GPHN: variants seen among roughly 807,000 people sequenced by gnomAD.
GPHN encodes the protein gephyrin.
Under a neutral mutation model 95.5 loss-of-function variants are expected in GPHN, and 17 were observed. That is an observed-to-expected ratio of 0.18 (90% confidence interval 0.12 to 0.27). GPHN has a LOEUF of 0.27. Among genes scored for constraint, GPHN ranks in the 10% least tolerant of loss-of-function variants. The pLI, the probability that GPHN is intolerant of heterozygous loss-of-function variation, is 1.00. For synonymous variants in GPHN, 320 were observed against 322.5 expected (o/e 0.99, Z 0.08); for missense variants, 660 against 978.1 (o/e 0.67, Z 4.34).
chr14:67,435,736 T>G, the GPHN span, among the ~76,000 whole-genome samples: 2 of 152,240 alleles, frequency 1.3e-5, no homozygotes, highest in Non-Finnish European at 2.9e-5. Context: ...TCCCAGTCCC[T>G]GGGTGACTAA....
chr14:67,622,517 T>C, the GPHN span, among the ~76,000 whole-genome samples: 10 of 152,202 alleles, frequency 6.6e-5, no homozygotes, highest in African/African-American at 2.4e-4. Context: ...TTTTAATAAC[T>C]CTCCAAGTTC....
the GPHN span, among the ~76,000 whole-genome samples, chr14:67,527,541 G>A: frequency 6.6e-6 from 1 of 152,212 alleles, no homozygotes; most frequent in Non-Finnish European, 1.5e-5. Context: ...TAGGAGATTA[G>A]AAAGAAAGAT....
At chr14:67,657,706 G>C in the GPHN span, among the ~76,000 whole-genome samples, 2 of 151,634 alleles carry the variant, frequency 1.3e-5, no homozygotes, top group South Asian at 2.1e-4. Context: ...GGAGCCAAAA[G>C]ATTGGCTCCC....
At chr14:66,919,809 G>A (rs138110488) in intron 6 of GPHN, among the ~76,000 whole-genome samples, 12 of 152,226 alleles carry the variant, frequency 7.9e-5, no homozygotes, top group African/African-American at 2.9e-4. Context: ...GCTCAGGTCT[G>A]TAATCCCAGC....
At chr14:66,730,817 T>C (rs909687537) in intron 2 of GPHN, among the ~76,000 whole-genome samples, 3 of 152,206 alleles carry the variant, frequency 2.0e-5, no homozygotes, top group South Asian at 4.1e-4. Flanking sequence ...ATATGTGGAA[T>C]ACATGTTTTC....
At chr14:66,900,295 C>T (rs1276177238) in intron 5 of GPHN, among the ~76,000 whole-genome samples, 2 of 151,632 alleles carry the variant, frequency 1.3e-5, no homozygotes, top group Non-Finnish European at 2.9e-5. Context: ...TCATTTTGCT[C>T]TTTATCTAGT....
chr14:66,713,207 C>G (rs2069830832), intron 2 of GPHN, among the ~76,000 whole-genome samples: 1 of 152,122 alleles, frequency 6.6e-6, no homozygotes, highest in African/African-American at 2.4e-5. Context: ...GTCATGAAAT[C>G]CTTGCCTAAG....
In GPHN at chr14:66,923,320, A is replaced by G. The variant is rs1371537138; in HGVS notation, c.729+382A>G. Reference sequence around the variant, plus strand: ...AAAGGAACAGCAAACTGAAGGTAAAAGACCTTAGATGATTCAAGAAATGAG... The same window carrying G: ...AAAGGAACAGCAAACTGAAGGTAAAGGACCTTAGATGATTCAAGAAATGAG... On this transcript the variant is annotated intron_variant, in intron 7 of 22. Coordinates refer to ENST00000478722, the MANE Select transcript of GPHN (RefSeq NM_020806.5). 2.6e-5 allele frequency among the ~76,000 whole-genome samples: 4 copies of G among 151,932 alleles called. No individual in the cohort carries two copies. In the East Asian group the frequency reaches 7.7e-4, roughly 29 times the overall value.
chr14:67,702,792 A>G, the GPHN span, among the ~76,000 whole-genome samples: 1 of 152,184 alleles, frequency 6.6e-6, no homozygotes, highest in East Asian at 1.9e-4. Flanking sequence ...ATATATGCAC[A>G]AATAGAGATC....
chr14:66,692,045 T>C (rs1215553004), intron 2 of GPHN, among the ~76,000 whole-genome samples: 1 of 152,224 alleles, frequency 6.6e-6, no homozygotes, highest in African/African-American at 2.4e-5. Flanking sequence ...TGAGCAAATG[T>C]TTGTTTTTCT....
At chr14:67,431,115 C>T in the GPHN span, among the ~76,000 whole-genome samples, 3 of 152,178 alleles carry the variant, frequency 2.0e-5, no homozygotes, top group Admixed American at 6.5e-5. Flanking sequence ...TCAGCATAGG[C>T]TGGGCGTGGT....
chr14:67,411,975 G>A, the GPHN span: 5 of 1,506,272 alleles, frequency 3.3e-6, no homozygotes, highest in Admixed American at 8.3e-5. Flanking sequence ...CGCGTCGGCG[G>A]GGCCCCACCC....
intron 16 of GPHN, among the ~76,000 whole-genome samples, chr14:67,113,617 T>C (rs1441608304): frequency 6.6e-6 from 1 of 152,188 alleles, no homozygotes; most frequent in African/African-American, 2.4e-5. Flanking sequence ...TTGTGAAAAG[T>C]TCCATTTGAT....
the GPHN span, among the ~76,000 whole-genome samples, chr14:67,329,876 A>AAAT: frequency 1.1e-5 from 1 of 88,924 alleles, no homozygotes; most frequent in Non-Finnish European, 1.7e-5. Context: ...ATAAATAAAT[A>AAAT]AATAGATATA....
intron 4 of GPHN, among the ~76,000 whole-genome samples, chr14:66,874,921 C>A (rs1356743541): frequency 1.3e-5 from 2 of 151,958 alleles, no homozygotes; most frequent in Non-Finnish European, 2.9e-5. Flanking sequence ...CACAAAGATA[C>A]TCTTTGAGGA....
chr14:66,778,861 G>A (rs569787535), intron 3 of GPHN, among the ~76,000 whole-genome samples: 13 of 148,180 alleles, frequency 8.8e-5, no homozygotes, highest in South Asian at 2.1e-4. Context: ...TCAGCCTCCC[G>A]AGTAGCTTGG....
At chr14:66,867,829 T>A (rs2063286262) in intron 4 of GPHN, among the ~76,000 whole-genome samples, 1 of 152,180 alleles carries the variant, frequency 6.6e-6, no homozygotes, top group Non-Finnish European at 1.5e-5. Flanking sequence ...GTACATATTG[T>A]CATTAATCTA....
chr14:66,634,022 T>G (rs1422646511), intron 1 of GPHN, among the ~76,000 whole-genome samples: 1 of 152,020 alleles, frequency 6.6e-6, no homozygotes, highest in Admixed American at 6.5e-5. Context: ...TTCCTGGTTT[T>G]AAAATTATTT....
At chr14:66,972,549 A>G (rs1415884374) in intron 9 of GPHN, among the ~76,000 whole-genome samples, 1 of 151,962 alleles carries the variant, frequency 6.6e-6, no homozygotes, top group Non-Finnish European at 1.5e-5. Flanking sequence ...TGGTATGCAG[A>G]AGTATTTTGT....
Sources: gnomAD v4.1 joint callset for allele counts (sites outside exome capture counted in the v4.1 genomes callset) on GRCh38, gnomAD v4.1.1 for gene constraint, MANE v1.5 for transcripts, NCBI Gene and HGNC (gene_info 2026-07-23, HGNC 2026-07-21) for gene names.